RILPL2: variants seen among roughly 807,000 people sequenced by gnomAD.
RILPL2 encodes RILP-like protein 2.
A neutral mutation model predicts 22.2 loss-of-function variants in RILPL2; 19 were observed. The observed-to-expected ratio is 0.86, with a 90% CI of 0.60 to 1.25. The LOEUF is 1.25. Ranked by LOEUF, RILPL2 falls within the 50% of genes most tolerant of loss-of-function variation. RILPL2 has a pLI of 0.00. For missense variants in RILPL2, 243 were observed against 263.6 expected (o/e 0.92, Z 0.54); for synonymous variants, 123 against 111.6 (o/e 1.10, Z -0.64).
intron 1 of RILPL2, among the ~76,000 whole-genome samples, chr12:123,432,117 A>C (rs1401020655): frequency 1.1e-4 from 16 of 151,842 alleles, no homozygotes; most frequent in Admixed American, 1.1e-3. Context: ...GCTGGTCTTG[A>C]ACTCTGACCT....
downstream of RILPL2, chr12:123,412,730 G>C (rs1187511866): frequency 2.0e-5 from 3 of 152,216 alleles, no homozygotes; most frequent in African/African-American, 7.2e-5. Context: ...GCATCGGAAA[G>C]GTACTTAGAA....
intron 1 of RILPL2, among the ~76,000 whole-genome samples, chr12:123,433,254 G>A (rs938007598): frequency 3.3e-5 from 5 of 151,724 alleles, no homozygotes; most frequent in Admixed American, 2.0e-4. Context: ...CTACAGGCAC[G>A]TGCCACCGTG....
At chr12:123,434,255 A>G (rs1879725906) in intron 1 of RILPL2, among the ~76,000 whole-genome samples, 1 of 151,734 alleles carries the variant, frequency 6.6e-6, no homozygotes, top group East Asian at 1.9e-4. Context: ...CCCCATCTCT[A>G]CAAAAATACA....
chr12:123,426,803 T>C (rs762906022), intron 2 of RILPL2, among the ~76,000 whole-genome samples: 43 of 151,848 alleles, frequency 2.8e-4, no homozygotes, highest in Admixed American at 5.3e-4. Context: ...GGGGTTTCAC[T>C]GTGTTAGCCA....
chr12:123,429,280 CTTTTTG>C (rs879514477), intron 2 of RILPL2, among the ~76,000 whole-genome samples: 2 of 151,806 alleles, frequency 1.3e-5, no homozygotes, highest in Admixed American at 1.3e-4. Flanking sequence ...TGCACCAGGA[CTTTTTG>C]TTTTTGTTTT....
At chr12:123,421,763 G>A (rs1385408476) in intron 3 of RILPL2, among the ~76,000 whole-genome samples, 2 of 151,098 alleles carry the variant, frequency 1.3e-5, no homozygotes, top group East Asian at 3.9e-4. Context: ...CACCTCCCGG[G>A]CTCAAGCGAT....
chr12:123,435,117 T>C (rs1211853148), intron 1 of RILPL2, among the ~76,000 whole-genome samples: 1 of 151,422 alleles, frequency 6.6e-6, no homozygotes, highest in Admixed American at 6.6e-5. Flanking sequence ...GAGGTGGAGG[T>C]TGCAGTGAGT....
At chr12:123,420,246 C>T (rs934135240) in intron 3 of RILPL2, among the ~76,000 whole-genome samples, 13 of 151,600 alleles carry the variant, frequency 8.6e-5, no homozygotes, top group African/African-American at 2.7e-4. Context: ...AGGATGGTCT[C>T]GATCTCCTGA....
intron 1 of RILPL2, among the ~76,000 whole-genome samples, chr12:123,435,676 C>G (rs1190427594): frequency 6.6e-6 from 1 of 152,046 alleles, no homozygotes; most frequent in African/African-American, 2.4e-5. Flanking sequence ...GAGGCCAAGG[C>G]TGTAGTGAGC....
chr12:123,411,050 T>TTA (rs1358049426), downstream of RILPL2: 1 of 149,272 alleles, frequency 6.7e-6, no homozygotes, highest in Admixed American at 6.6e-5. Context: ...TTATTTATTT[T>TTA]TTTTTTGAGA....
At chr12:123,426,739 C>A (rs1481057862) in intron 2 of RILPL2, among the ~76,000 whole-genome samples, 4 of 151,712 alleles carry the variant, frequency 2.6e-5, no homozygotes, top group Non-Finnish European at 4.4e-5. Flanking sequence ...GTAGCTGGGA[C>A]TACAGGTGCC....
intron 2 of RILPL2, among the ~76,000 whole-genome samples, 182 bp downstream of exon 2, chr12:123,430,326 G>A (rs975196707): frequency 2.6e-4 from 40 of 151,020 alleles, no homozygotes; most frequent in Non-Finnish European, 4.3e-4. Context: ...GGAGAATGGC[G>A]TGAACCCGGG....
At position 123,415,590 on chromosome 12, in the gene RILPL2, C is replaced by G. The variant is rs1390511959; in HGVS notation, c.*301G>C. ...GATGAGTAGGACACGCGTCTGCACG[C>G]TGGAGGCCCTGGGGGTTGACATGGG... is the stretch of plus-strand genomic sequence containing the variant. On this transcript the variant is annotated 3_prime_UTR_variant, in exon 4 of 4. Transcript: ENST00000280571. The G allele has an allele frequency of 2.0e-6, 1 of 493,672 alleles. No homozygotes were observed. The highest frequency in any genetic ancestry group is 3.7e-6 in the Non-Finnish European group (1 of 272,688). 30.6% of individuals were successfully genotyped at this position (493,672 alleles called of 1,614,324 possible).
At chr12:123,432,220 A>C (rs931588630) in intron 1 of RILPL2, among the ~76,000 whole-genome samples, 5 of 152,130 alleles carry the variant, frequency 3.3e-5, no homozygotes, top group African/African-American at 1.2e-4. Context: ...AAAAACCAAA[A>C]AGGGGTCAGG....
intron 2 of RILPL2, among the ~76,000 whole-genome samples, chr12:123,428,230 A>G (rs370296477): frequency 6.6e-6 from 1 of 151,928 alleles, no homozygotes; most frequent in Non-Finnish European, 1.5e-5. Flanking sequence ...TCCACCTCCC[A>G]GGTTCACACC....
rs1593485721 is a variant in RILPL2 at position 123,415,537 on chromosome 12, T to A, written c.*354A>T. 1.1e-5 allele frequency: 3 copies of A among 280,572 alleles called. No individual in the cohort carries two copies. In the East Asian group the frequency reaches 1.9e-4, roughly 18 times the overall value. The allele number at this position is 280,572 out of a possible 1,614,324, so 17.4% of individuals were successfully genotyped here. A position where few individuals can be genotyped will look rare whatever the true frequency, so the allele number is the denominator to read the frequency against. ...TTTCTTTTCTCCCTTCTGCTAACCA[T>A]TGAAGACCAGGGTCATCCGTGGGAG... On this transcript the variant is annotated 3_prime_UTR_variant, in exon 4 of 4. Transcript: ENST00000280571.
intron 3 of RILPL2, 75 bp from the exon 4 acceptor site, chr12:123,415,996 T>G: frequency 7.0e-7 from 1 of 1,431,844 alleles, no homozygotes; most frequent in East Asian, 2.3e-5. Context: ...CCGTAAAATT[T>G]CTAAGTAGCT....
At chr12:123,422,063 C>A (rs1257355707) in intron 3 of RILPL2, among the ~76,000 whole-genome samples, 1 of 144,964 alleles carries the variant, frequency 6.9e-6, no homozygotes, top group East Asian at 2.1e-4. Context: ...AGTGCAGTAG[C>A]GTGATAATAG....
chr12:123,413,646 G>A (rs577834210), downstream of RILPL2: 10 of 152,268 alleles, frequency 6.6e-5, no homozygotes, highest in Admixed American at 1.3e-4. Context: ...AATGCGGAAA[G>A]GAACCCGAGC....
Sources: gnomAD v4.1 joint callset for allele counts (sites outside exome capture counted in the v4.1 genomes callset) on GRCh38, gnomAD v4.1.1 for gene constraint, MANE v1.5 for transcripts, NCBI Gene and HGNC (gene_info 2026-07-23, HGNC 2026-07-21) for gene names.